BTG4: variants seen among roughly 807,000 people sequenced by gnomAD.
The protein encoded by BTG4 is protein BTG4.
BTG4 carries 10 observed loss-of-function variants against 19.3 expected under a neutral mutation model. The observed-to-expected ratio is 0.52, with a 90% CI of 0.32 to 0.88. The LOEUF (loss-of-function observed/expected upper bound fraction) is 0.88, where lower values mean the gene tolerates loss of function less well. BTG4 is among the 40% of genes least tolerant of loss of function. The probability of loss-of-function intolerance (pLI) is 0.04; values close to 1 mark genes in which losing one functional copy is unlikely to be tolerated. For missense variants in BTG4, 238 were observed against 281.9 expected, an observed-to-expected ratio of 0.84 and a Z score of 1.11; for synonymous variants, 91 against 95.7, an observed-to-expected ratio of 0.95 and a Z score of 0.29.
the BTG4 span, among the ~76,000 whole-genome samples, chr11:111,461,344 C>T: frequency 6.6e-6 from 1 of 152,192 alleles, no homozygotes; most frequent in Non-Finnish European, 1.5e-5. Flanking sequence ...GTGCCTGTCT[C>T]CTCTGGACTT....
the BTG4 span, among the ~76,000 whole-genome samples, chr11:111,402,068 G>A: frequency 2.0e-5 from 3 of 152,184 alleles, no homozygotes; most frequent in Admixed American, 1.3e-4. Flanking sequence ...TGTCATGGGA[G>A]GGACCTGATG....
chr11:111,498,982 G>T (rs2135688356), intron 1 of BTG4, among the ~76,000 whole-genome samples, 180 bp from the exon 2 acceptor site: 1 of 151,290 alleles, frequency 6.6e-6, no homozygotes, highest in African/African-American at 2.4e-5. Flanking sequence ...TAACAGCCAA[G>T]AACAGCAATT....
intron 5 of BTG4, among the ~76,000 whole-genome samples, chr11:111,486,167 C>T (rs1865048970): frequency 6.6e-6 from 1 of 152,128 alleles, no homozygotes; most frequent in African/African-American, 2.4e-5. Flanking sequence ...ATTTAAAGAA[C>T]TATGATGCCT....
chr11:111,447,734 G>T, the BTG4 span, among the ~76,000 whole-genome samples: 1 of 152,196 alleles, frequency 6.6e-6, no homozygotes, highest in Non-Finnish European at 1.5e-5. Context: ...CACTTAAGTT[G>T]TCTGGGCCAA....
the BTG4 span, among the ~76,000 whole-genome samples, chr11:111,398,295 A>G: frequency 6.6e-6 from 1 of 152,138 alleles, no homozygotes; most frequent in South Asian, 2.1e-4. Context: ...CTGCCTTCCA[A>G]CCACATTACT....
chr11:111,390,450 C>G, the BTG4 span, among the ~76,000 whole-genome samples: 1 of 152,202 alleles, frequency 6.6e-6, no homozygotes, highest in South Asian at 2.1e-4. Flanking sequence ...CATAAAGTAT[C>G]TTTCAAAATC....
the BTG4 span, among the ~76,000 whole-genome samples, chr11:111,419,924 C>T: frequency 6.6e-6 from 1 of 152,194 alleles, no homozygotes; most frequent in African/African-American, 2.4e-5. Flanking sequence ...TCTAGATGAA[C>T]CAACCCATTA....
chr11:111,506,414 A>C (rs950647803), intron 1 of BTG4, among the ~76,000 whole-genome samples: 14 of 152,132 alleles, frequency 9.2e-5, no homozygotes, highest in Non-Finnish European at 1.2e-4. Context: ...CTCACTTGTA[A>C]GTGGGAGCTA....
the BTG4 span, among the ~76,000 whole-genome samples, chr11:111,409,586 C>T: frequency 8.4e-4 from 128 of 152,288 alleles, 1 homozygote; most frequent in African/African-American, 3.0e-3. Context: ...GACGCCAGCA[C>T]CATGCTTCTT....
At chr11:111,484,889 C>T (rs1488744770) in intron 5 of BTG4, among the ~76,000 whole-genome samples, 4 of 152,080 alleles carry the variant, frequency 2.6e-5, no homozygotes, top group African/African-American at 9.7e-5. Context: ...GCAAGAAACT[C>T]ATATCACCTA....
chr11:111,406,689 A>C, the BTG4 span, among the ~76,000 whole-genome samples: 1 of 152,194 alleles, frequency 6.6e-6, no homozygotes, highest in East Asian at 1.9e-4. Flanking sequence ...GGCACTGGGA[A>C]GCTGGCATCC....
At chr11:111,399,049 T>G in the BTG4 span, 1 of 152,156 alleles carries the variant, frequency 6.6e-6, no homozygotes, top group Non-Finnish European at 1.5e-5. Flanking sequence ...AAGAGGGATA[T>G]GTGGATGAGG....
At chr11:111,496,892 G>GAAAA (rs5794752) in intron 4 of BTG4, 577 of 293,138 alleles carry the variant, frequency 2.0e-3, no homozygotes, top group Non-Finnish European at 2.9e-3. Flanking sequence ...TCAATTGACA[G>GAAAA]AAAAAAAAAT....
At chr11:111,460,002 G>A in the BTG4 span, among the ~76,000 whole-genome samples, 2 of 152,056 alleles carry the variant, frequency 1.3e-5, no homozygotes, top group African/African-American at 4.8e-5. Flanking sequence ...TAGATTATTG[G>A]GTCCTTTCAA....
chr11:111,495,183 A>C lies in BTG4; in HGVS notation c.642T>G (p.Pro214=). Residue 214 remains proline (P), a synonymous_variant, in exon 5 of 5, where the codon CCT becomes CCG. Coordinates refer to ENST00000692032, the MANE Select transcript of BTG4 (RefSeq NM_001367975.1). ...GGTACCTGTCCAGCCGGTGCATAGC[A>C]GGCCTGTAACACTTAGGATGCTTCT... The part of the protein sequence containing the change: ...GSQKHPKCYR[P]AMHRLDRYHW... The C allele has an allele frequency of 1.2e-6, 2 of 1,604,346 alleles. No homozygotes were observed. Among genetic ancestry groups the C allele is most frequent in the Non-Finnish European group, 1.7e-6 (2 of 1,176,110 alleles).
At chr11:111,453,614 G>A in the BTG4 span, 2 of 427,414 alleles carry the variant, frequency 4.7e-6, no homozygotes, top group South Asian at 1.6e-5. Flanking sequence ...AATCCCAGAG[G>A]CACCCCCAAA....
At chr11:111,498,177 A>C in intron 2 of BTG4, 42 bp from the exon 3 acceptor site, 1 of 1,606,600 alleles carries the variant, frequency 6.2e-7, no homozygotes, top group Non-Finnish European at 8.5e-7. Flanking sequence ...GATGACAGAC[A>C]CTTTAGCAGG....
At chr11:111,494,519 T>C (rs1247585620), downstream of BTG4, among the ~76,000 whole-genome samples, 1 of 152,214 alleles carries the variant, frequency 6.6e-6, no homozygotes, top group Non-Finnish European at 1.5e-5. Context: ...CCTCATACCA[T>C]AAACATTGAA....
the BTG4 span, among the ~76,000 whole-genome samples, chr11:111,432,032 C>T: frequency 6.6e-6 from 1 of 152,160 alleles, no homozygotes; most frequent in Non-Finnish European, 1.5e-5. Flanking sequence ...TAGAGCACAC[C>T]AGCACATCAG....
Sources: gnomAD v4.1 joint callset for allele counts (sites outside exome capture counted in the v4.1 genomes callset) on GRCh38, gnomAD v4.1.1 for gene constraint, MANE v1.5 for transcripts, NCBI Gene and HGNC (gene_info 2026-07-23, HGNC 2026-07-21) for gene names.